The following STARD13 variants were observed in gnomAD, a reference collection of about 807,000 sequenced individuals.
STARD13 encodes the protein stAR-related lipid transfer protein 13.
STARD13 carries 62 observed loss-of-function variants against 106.4 expected under a neutral mutation model. The observed-to-expected ratio is 0.58, with a 90% confidence interval of 0.48 to 0.72. The LOEUF is 0.72. Ranked by LOEUF, STARD13 falls within the 30% of genes least tolerant of loss-of-function variation. STARD13 has a pLI of 0.00. For missense variants in STARD13, 1,387 were observed against 1,424.0 expected, an observed-to-expected ratio of 0.97 and a Z score of 0.42; for synonymous variants, 565 against 553.0, an observed-to-expected ratio of 1.02 and a Z score of -0.31.
At chr13:33,338,267 G>T (rs1310062349) in intron 1 of STARD13, among the ~76,000 whole-genome samples, 1 of 152,146 alleles carries the variant, frequency 6.6e-6, no homozygotes, top group Non-Finnish European at 1.5e-5. Flanking sequence ...GGACATTAAG[G>T]TTCTTTTAGA....
At chr13:33,630,164 A>C in the STARD13 span, among the ~76,000 whole-genome samples, 270 of 152,316 alleles carry the variant, frequency 1.8e-3, 1 homozygote, top group African/African-American at 6.2e-3. Flanking sequence ...GCAAAGTGCA[A>C]GAGGAATAGA....
the STARD13 span, among the ~76,000 whole-genome samples, chr13:33,513,119 A>C: frequency 3.4e-4 from 52 of 152,320 alleles, no homozygotes; most frequent in African/African-American, 1.2e-3. Flanking sequence ...TAAAATATTT[A>C]CTATCTGGCC....
At chr13:33,587,782 T>G in the STARD13 span, among the ~76,000 whole-genome samples, 323 of 152,320 alleles carry the variant, frequency 2.1e-3, 1 homozygote, top group African/African-American at 7.3e-3. Context: ...GATTACACAC[T>G]TGAAATGTAC....
intron 8 of STARD13, among the ~76,000 whole-genome samples, chr13:33,114,509 C>T (rs541773233): frequency 3.3e-5 from 5 of 152,234 alleles, no homozygotes; most frequent in Non-Finnish European, 5.9e-5. Flanking sequence ...AGAGAAGAGC[C>T]GTTTTGTTAA....
chr13:33,578,065 A>G, the STARD13 span, among the ~76,000 whole-genome samples: 1 of 152,194 alleles, frequency 6.6e-6, no homozygotes, highest in Non-Finnish European at 1.5e-5. Flanking sequence ...ATCATAAAAA[A>G]TGACCATACT....
At chr13:33,500,245 A>G in the STARD13 span, among the ~76,000 whole-genome samples, 1 of 152,208 alleles carries the variant, frequency 6.6e-6, no homozygotes, top group African/African-American at 2.4e-5. Flanking sequence ...GAGTGAAAGT[A>G]AGGACTAGAA....
chr13:33,255,107 C>T lies in STARD13; in HGVS notation c.169+30363G>A, dbSNP rs181080424. On this transcript the variant is annotated intron_variant, in intron 1 of 13. Transcript: ENST00000336934. ...CTGTCCATCTGTGTGCTCCCCCCCC[C>T]CTCAGAGGCTTGATCAGGTTCAGAG... Among the ~76,000 whole-genome samples the T allele has an allele frequency of 2.6e-4, 39 of 151,156 alleles. 1 individual carries two copies. Among genetic ancestry groups the T allele is most frequent in the Admixed American group, 9.2e-4 (14 of 15,276 alleles).
chr13:33,368,717 G>C, the STARD13 span, among the ~76,000 whole-genome samples: 2 of 152,280 alleles, frequency 1.3e-5, no homozygotes, highest in East Asian at 1.9e-4. Context: ...TTGAGAATGA[G>C]AGTCTGGACA....
the STARD13 span, among the ~76,000 whole-genome samples, chr13:33,603,707 G>C: frequency 6.6e-6 from 1 of 152,172 alleles, no homozygotes; most frequent in African/African-American, 2.4e-5. Flanking sequence ...CATTTTGGAA[G>C]CAGAAGTAAA....
chr13:33,118,272 A>G lies in STARD13; in HGVS notation c.2083-9T>C. 1.2e-6 allele frequency: 2 copies of G among 1,612,922 alleles called. No homozygotes were observed. Among genetic ancestry groups the G allele is most frequent in the Non-Finnish European group, 1.7e-6 (2 of 1,178,884 alleles). On this transcript the variant is annotated splice_polypyrimidine_tract_variant and intron_variant, in intron 7 of 13. Coordinates refer to ENST00000336934, the MANE Select transcript of STARD13 (RefSeq NM_178006.4). ...TTGCGAAAAAGACCCACCTGAAACA[A>G]AGCCATAGGGATGTGTCAGCCAGGC...
intron 1 of STARD13, among the ~76,000 whole-genome samples, chr13:33,215,020 CTG>C (rs1346241615): frequency 2.0e-5 from 3 of 149,746 alleles, no homozygotes; most frequent in Admixed American, 6.8e-5. Context: ...GACACATAGA[CTG>C]TTGCTCCTTG....
the STARD13 span, among the ~76,000 whole-genome samples, chr13:33,536,802 A>ATAC: frequency 1.1e-4 from 16 of 152,322 alleles, no homozygotes; most frequent in South Asian, 2.1e-3. Context: ...ATAACAGCCT[A>ATAC]TACTCCAATC....
intron 1 of STARD13, among the ~76,000 whole-genome samples, chr13:33,195,160 CA>C (rs1886523743): frequency 6.6e-6 from 1 of 152,096 alleles, no homozygotes; most frequent in Non-Finnish European, 1.5e-5. Context: ...AATCAATGAC[CA>C]ACAATTAAAA....
chr13:33,163,230 A>C (rs111664532), intron 3 of STARD13, among the ~76,000 whole-genome samples: 1 of 152,060 alleles, frequency 6.6e-6, no homozygotes, highest in African/African-American at 2.4e-5. Context: ...AACATGTGGG[A>C]ATTATGGGAA....
the STARD13 span, among the ~76,000 whole-genome samples, chr13:33,632,022 A>G: frequency 6.6e-6 from 1 of 152,200 alleles, no homozygotes; most frequent in African/African-American, 2.4e-5. Context: ...TGTCAAAGGA[A>G]GCCAGTTTTT....
the STARD13 span, among the ~76,000 whole-genome samples, chr13:33,671,117 C>T: frequency 6.6e-6 from 1 of 152,178 alleles, no homozygotes; most frequent in Admixed American, 6.5e-5. Context: ...TGCTTTTCCT[C>T]AATAGTTTGA....
At chr13:33,646,003 G>A in the STARD13 span, among the ~76,000 whole-genome samples, 1 of 111,400 alleles carries the variant, frequency 9.0e-6, no homozygotes, top group Non-Finnish European at 1.5e-5. Context: ...AGGGACACAC[G>A]GACACAGGCT....
At chr13:33,110,997 G>T (rs1874472014) in intron 10 of STARD13, 90 bp from the exon 11 acceptor site, 2 of 1,203,248 alleles carry the variant, frequency 1.7e-6, no homozygotes, top group East Asian at 4.9e-5. Flanking sequence ...CCACAACCCG[G>T]CTCTGAGCCA....
intron 3 of STARD13, among the ~76,000 whole-genome samples, chr13:33,156,848 T>C (rs950875215): frequency 2.6e-5 from 4 of 152,216 alleles, no homozygotes; most frequent in Non-Finnish European, 4.4e-5. Flanking sequence ...TTGGGATCTG[T>C]ATTTATTTAT....
Sources: gnomAD v4.1 joint callset for allele counts (sites outside exome capture counted in the v4.1 genomes callset) on GRCh38, gnomAD v4.1.1 for gene constraint, MANE v1.5 for transcripts, NCBI Gene and HGNC (gene_info 2026-07-23, HGNC 2026-07-21) for gene names.